Variants in NAV2 observed in about 807,000 individuals in gnomAD.
NAV2 encodes the protein neuron navigator 2.
NAV2 carries 54 observed loss-of-function variants against 223.2 expected under a neutral mutation model. The ratio of observed to expected loss-of-function variants is 0.24; its 90% CI spans 0.19 to 0.30. The LOEUF (loss-of-function observed/expected upper bound fraction) is 0.30, where lower values mean the gene tolerates loss of function less well. Among genes scored for constraint, NAV2 ranks in the 10% least tolerant of loss-of-function variants. The pLI, the probability that NAV2 is intolerant of heterozygous loss-of-function variation, is 1.00. For missense variants in NAV2, 2,806 were observed against 3,147.5 expected (o/e 0.89, Z 2.60); for synonymous variants, 1,279 against 1,239.3 (o/e 1.03, Z -0.67).
chr11:19,709,081 T>C (rs2152300853), upstream of NAV2, among the ~76,000 whole-genome samples: 1 of 152,092 alleles, frequency 6.6e-6, no homozygotes, highest in African/African-American at 2.4e-5. Flanking sequence ...GGAGTAAACT[T>C]ATAGGCCGTT....
intron 6 of NAV2, among the ~76,000 whole-genome samples, chr11:19,915,739 C>T (rs939239023): frequency 2.0e-5 from 3 of 152,206 alleles, no homozygotes; most frequent in Admixed American, 1.3e-4. Flanking sequence ...CCCCAGGTTC[C>T]GTGGTTATCT....
chr11:19,416,827 C>T (rs907415033), intron 1 of NAV2, among the ~76,000 whole-genome samples: 1 of 152,066 alleles, frequency 6.6e-6, no homozygotes, highest in African/African-American at 2.4e-5. Flanking sequence ...ACAAACCTGA[C>T]AAAAACAAGC....
At position 19,735,676 on chromosome 11, in the gene NAV2, C is replaced by A. The variant is rs11025228; in HGVS notation, c.267+21714C>A. Reference sequence around the variant, plus strand: ...TTGAAACCATTCCTCCTGCATGATGCATGAAATTTTAATAACCTGCCGACA... The same window carrying A: ...TTGAAACCATTCCTCCTGCATGATGAATGAAATTTTAATAACCTGCCGACA... On this transcript the variant is annotated intron_variant, in intron 1 of 37. Coordinates refer to ENST00000349880, the MANE Select transcript of NAV2 (RefSeq NM_145117.5). Among the ~76,000 whole-genome samples, 25 of 152,312 alleles carry A rather than the reference C, an allele frequency of 1.6e-4. No individual in the cohort carries two copies. The East Asian group carries it at 4.8e-3, about 29-fold the overall frequency.
In NAV2 at chr11:19,835,572, A is replaced by G. The variant is rs1770233169; in HGVS notation, c.385+2971A>G. Among the ~76,000 whole-genome samples the G allele has an allele frequency of 2.6e-5, 4 of 152,222 alleles. No homozygotes were observed. In the South Asian group the frequency reaches 8.3e-4, roughly 32 times the overall value. Reference sequence around the variant, plus strand: ...CATCTTCTGACTAGGATGCTGAACTATTGGCCATTTGAACACTTTGCTTTT... The same window carrying G: ...CATCTTCTGACTAGGATGCTGAACTGTTGGCCATTTGAACACTTTGCTTTT... On this transcript the variant is annotated intron_variant, in intron 2 of 37. Transcript: ENST00000349880.
intron 11 of NAV2, among the ~76,000 whole-genome samples, chr11:20,014,897 A>G (rs2053874241): frequency 6.6e-6 from 1 of 151,776 alleles, no homozygotes; most frequent in African/African-American, 2.4e-5. Flanking sequence ...GCAAGACTTC[A>G]TCTCAAAAAT....
intron 1 of NAV2, among the ~76,000 whole-genome samples, chr11:19,675,865 C>T (rs948337469): frequency 9.2e-5 from 14 of 152,172 alleles, no homozygotes; most frequent in African/African-American, 3.4e-4. Context: ...TAATATCAAT[C>T]GCAAGAATGT....
rs188029586 is a variant in NAV2 at position 19,828,522 on chromosome 11, A to G, written c.268-3962A>G. Reference sequence around the variant, plus strand: ...ATGTTGTAACATGTTTCAGAATTTCATTCCTTTTTCAGGCTGGAGTGCAAT... The same window carrying G: ...ATGTTGTAACATGTTTCAGAATTTCGTTCCTTTTTCAGGCTGGAGTGCAAT... On this transcript the variant is annotated intron_variant, in intron 1 of 37. Transcript: ENST00000349880. Among the ~76,000 whole-genome samples the G allele has an allele frequency of 4.1e-4, 59 of 143,506 alleles. No homozygotes were observed. The Admixed American group carries it at 4.1e-3, about 10-fold the overall frequency. 94.1% of individuals were successfully genotyped at this position (143,506 alleles called of 152,430 possible).
At chr11:19,533,774 T>C (rs2044101342) in intron 1 of NAV2, among the ~76,000 whole-genome samples, 1 of 143,316 alleles carries the variant, frequency 7.0e-6, no homozygotes, top group African/African-American at 2.9e-5. Flanking sequence ...TGGCGGGATC[T>C]CGGCTCACTG....
At chr11:20,010,071 T>G (rs1158101157) in intron 11 of NAV2, among the ~76,000 whole-genome samples, 1 of 152,198 alleles carries the variant, frequency 6.6e-6, no homozygotes, top group Non-Finnish European at 1.5e-5. Flanking sequence ...CCAAGCCACA[T>G]GAGGAAACTG....
intron 1 of NAV2, among the ~76,000 whole-genome samples, chr11:19,566,837 G>C (rs2045284470): frequency 6.6e-6 from 1 of 152,180 alleles, no homozygotes; most frequent in South Asian, 2.1e-4. Context: ...TGGTCACCAA[G>C]GATCTGAAAG....
At chr11:19,363,607 C>A (rs944437071) in intron 1 of NAV2, among the ~76,000 whole-genome samples, 2 of 152,192 alleles carry the variant, frequency 1.3e-5, no homozygotes, top group Non-Finnish European at 2.9e-5. Context: ...CCAACCAATT[C>A]TCTGACTGCG....
chr11:19,890,275 G>C (rs1565502286), intron 5 of NAV2, among the ~76,000 whole-genome samples: 1 of 152,148 alleles, frequency 6.6e-6, no homozygotes, highest in Non-Finnish European at 1.5e-5. Context: ...ACACCATGCT[G>C]CCTCACAGAG....
At chr11:19,859,029 T>C (rs1188583442) in intron 3 of NAV2, among the ~76,000 whole-genome samples, 2 of 152,158 alleles carry the variant, frequency 1.3e-5, no homozygotes, top group Non-Finnish European at 1.5e-5. Context: ...CATTTCATGT[T>C]ACAGATGACA....
intron 11 of NAV2, among the ~76,000 whole-genome samples, chr11:20,016,851 A>T: frequency 6.7e-6 from 1 of 150,000 alleles, no homozygotes; most frequent in East Asian, 2.0e-4. Context: ...AAAAAAAAAA[A>T]AAAAATTAGC....
intron 1 of NAV2, among the ~76,000 whole-genome samples, chr11:19,515,779 G>A (rs1390892433): frequency 1.3e-5 from 2 of 152,204 alleles, no homozygotes; most frequent in African/African-American, 2.4e-5. Flanking sequence ...CTTGGACCAG[G>A]TGGAAGCAGG....
At chr11:19,844,406 A>C (rs749501028) in intron 3 of NAV2, among the ~76,000 whole-genome samples, 35 of 152,152 alleles carry the variant, frequency 2.3e-4, no homozygotes, top group Admixed American at 2.0e-4. Context: ...AGCACCTTCT[A>C]TTGGAGGTTT....
intron 1 of NAV2, among the ~76,000 whole-genome samples, chr11:19,783,749 A>G (rs2056912806): frequency 6.6e-6 from 1 of 152,174 alleles, no homozygotes; most frequent in South Asian, 2.1e-4. Context: ...GATGATGATA[A>G]TCATTCCAAA....
intron 1 of NAV2, among the ~76,000 whole-genome samples, chr11:19,786,873 T>G (rs1167802992): frequency 1.3e-5 from 2 of 152,170 alleles, no homozygotes; most frequent in African/African-American, 4.8e-5. Flanking sequence ...ACCTGTAGCC[T>G]CAGCTACTGG....
In NAV2 at chr11:20,069,122, T is replaced by A. The variant is rs942660595; in HGVS notation, c.4983+724T>A. 1.6e-4 allele frequency among the ~76,000 whole-genome samples: 25 copies of A among 151,516 alleles called. 1 individual carries two copies. The highest frequency in any genetic ancestry group is 3.3e-4 in the Admixed American group (5 of 15,222). Reference sequence around the variant, plus strand: ...TCTGATATTGAAAATAAGAAAAAAATTTTTTAAAAGGGGGACAGGAAGGAC... The same window carrying A: ...TCTGATATTGAAAATAAGAAAAAAAATTTTTAAAAGGGGGACAGGAAGGAC... On this transcript the variant is annotated intron_variant, in intron 22 of 37. Transcript: ENST00000349880.
Sources: allele counts gnomAD v4.1 joint callset (sites outside exome capture counted in the v4.1 genomes callset), GRCh38; gene constraint gnomAD v4.1.1; transcripts MANE v1.5; gene names NCBI Gene and HGNC (gene_info 2026-07-23, HGNC 2026-07-21).